Variants in UBXN2A observed in about 807,000 individuals in gnomAD.
UBXN2A encodes the protein UBX domain-containing protein 2A.
UBXN2A carries 28 observed loss-of-function variants against 28.4 expected under a neutral mutation model. The observed-to-expected ratio is 0.99, with a 90% CI of 0.73 to 1.35. The LOEUF is 1.35. Ranked by LOEUF, UBXN2A falls within the 40% of genes most tolerant of loss-of-function variation. The pLI is 0.00. For missense variants in UBXN2A, 253 were observed against 297.9 expected, an observed-to-expected ratio of 0.85 and a Z score of 1.11; for synonymous variants, 97 against 103.6, an observed-to-expected ratio of 0.94 and a Z score of 0.39.
chr2:23,993,316 T>C (rs1226837018), intron 6 of UBXN2A, among the ~76,000 whole-genome samples: 1 of 152,176 alleles, frequency 6.6e-6, no homozygotes, highest in Non-Finnish European at 1.5e-5. Context: ...AACACGTAGC[T>C]TTTTTTCCCC....
chr2:23,973,699 A>G (rs1707523153), intron 3 of UBXN2A, among the ~76,000 whole-genome samples: 1 of 149,364 alleles, frequency 6.7e-6, no homozygotes, highest in South Asian at 2.1e-4. Flanking sequence ...CAGTGGCACA[A>G]TTGGCTCACT....
intron 1 of UBXN2A, among the ~76,000 whole-genome samples, chr2:23,956,500 C>T (rs1482154792): frequency 5.3e-5 from 8 of 151,862 alleles, no homozygotes; most frequent in Admixed American, 4.6e-4. Context: ...TTACTTGCGC[C>T]GACCACCATG....
At chr2:23,955,075 G>A (rs1706553530) in intron 1 of UBXN2A, among the ~76,000 whole-genome samples, 1 of 151,876 alleles carries the variant, frequency 6.6e-6, no homozygotes, top group Admixed American at 6.6e-5. Context: ...TGGGATTACA[G>A]GCATGCACCG....
At chr2:23,938,963 A>C (rs182768939), upstream of UBXN2A, among the ~76,000 whole-genome samples, 2 of 152,340 alleles carry the variant, frequency 1.3e-5, no homozygotes, top group Non-Finnish European at 2.9e-5. Flanking sequence ...ACACGGTCTC[A>C]TGAGCAGTGA....
upstream of UBXN2A, among the ~76,000 whole-genome samples, chr2:23,936,286 C>T (rs1392892752): frequency 6.6e-6 from 1 of 152,038 alleles, no homozygotes; most frequent in African/African-American, 2.4e-5. Context: ...GAATGATATA[C>T]TGACACATGC....
At chr2:23,957,893 G>A (rs753524503) in intron 1 of UBXN2A, among the ~76,000 whole-genome samples, 1 of 152,116 alleles carries the variant, frequency 6.6e-6, no homozygotes, top group Non-Finnish European at 1.5e-5. Context: ...CTCCCAAAGT[G>A]CTGGGATTAC....
At chr2:23,952,712 G>A (rs1215153411) in intron 1 of UBXN2A, among the ~76,000 whole-genome samples, 3 of 152,108 alleles carry the variant, frequency 2.0e-5, no homozygotes, top group Admixed American at 2.0e-4. Flanking sequence ...CAAAGTGTTG[G>A]TATTACAGGT....
chr2:23,960,912 G>T (rs904022606), intron 2 of UBXN2A, among the ~76,000 whole-genome samples: 1 of 152,108 alleles, frequency 6.6e-6, no homozygotes, highest in Non-Finnish European at 1.5e-5. Flanking sequence ...TGGGATTACA[G>T]GTGTGAGCCA....
intron 2 of UBXN2A, among the ~76,000 whole-genome samples, chr2:23,961,152 G>A (rs1403279045): frequency 2.6e-5 from 4 of 151,564 alleles, no homozygotes; most frequent in African/African-American, 9.7e-5. Context: ...CTGGGGTGCA[G>A]TGGTACAATC....
At chr2:23,967,483 A>G (rs565623930) in intron 2 of UBXN2A, among the ~76,000 whole-genome samples, 2 of 152,332 alleles carry the variant, frequency 1.3e-5, no homozygotes, top group East Asian at 1.9e-4. Flanking sequence ...GATACTTACT[A>G]TATACCATGT....
chr2:23,967,648 C>T lies in UBXN2A; in HGVS notation c.42-3628C>T, dbSNP rs548002435. 3.9e-5 allele frequency among the ~76,000 whole-genome samples: 6 copies of T among 152,240 alleles called. No individual in the cohort carries two copies. The East Asian group carries it at 9.6e-4, about 24-fold the overall frequency. Reference sequence around the variant, plus strand: ...CTAAATGAAGGCACTTAAATACAAACAGCAACACCCAGACTTTTAGACAAT... The same window carrying T: ...CTAAATGAAGGCACTTAAATACAAATAGCAACACCCAGACTTTTAGACAAT... On this transcript the variant is annotated intron_variant, in intron 2 of 6. Transcript: ENST00000309033.
chr2:23,961,205 C>A (rs767840433), intron 2 of UBXN2A, among the ~76,000 whole-genome samples: 1 of 151,944 alleles, frequency 6.6e-6, no homozygotes, highest in Non-Finnish European at 1.5e-5. Context: ...AAGTAATTCT[C>A]CTGCCTCAGC....
At chr2:23,980,833 G>T (rs138986478) in intron 4 of UBXN2A, among the ~76,000 whole-genome samples, 84 of 152,060 alleles carry the variant, frequency 5.5e-4, no homozygotes, top group African/African-American at 1.9e-3. Flanking sequence ...TACCATGTTC[G>T]CCAGGCTGGT....
At chr2:23,984,355 G>T (rs943576699) in intron 5 of UBXN2A, among the ~76,000 whole-genome samples, 1 of 152,104 alleles carries the variant, frequency 6.6e-6, no homozygotes, top group Non-Finnish European at 1.5e-5. Context: ...AACCTGGGCA[G>T]TAGGTAAAGG....
intron 1 of UBXN2A, among the ~76,000 whole-genome samples, chr2:23,947,538 CTG>C (rs1251808868): frequency 6.6e-6 from 1 of 152,130 alleles, no homozygotes; most frequent in Non-Finnish European, 1.5e-5. Flanking sequence ...TGTCATATGA[CTG>C]TGATACATTT....
intron 1 of UBXN2A, among the ~76,000 whole-genome samples, chr2:23,941,087 C>T (rs1448022186): frequency 6.6e-6 from 1 of 152,140 alleles, no homozygotes; most frequent in Non-Finnish European, 1.5e-5. Context: ...TTTTGAAGGC[C>T]TGGTGTTCGC....
rs892302873 is a variant in UBXN2A, at chr2:23,990,555, C to G, written c.584+5724C>G. ...GCCGGGGGGGCGGGGGGGCGGATCA[C>G]TTGAGGTCGGAAGTTCAAGACCAAC... On this transcript the variant is annotated intron_variant, in intron 6 of 6. Transcript: ENST00000309033. Among the ~76,000 whole-genome samples, 10 of 151,630 alleles carry G rather than the reference C, an allele frequency of 6.6e-5. No individual in the cohort carries two copies. In the East Asian group the frequency reaches 2.0e-3, roughly 30 times the overall value.
intron 1 of UBXN2A, among the ~76,000 whole-genome samples, chr2:23,957,959 C>A (rs1474190621): frequency 6.6e-6 from 1 of 152,188 alleles, no homozygotes; most frequent in Non-Finnish European, 1.5e-5. Context: ...ACTATTTTAC[C>A]CAGACTGGTC....
intron 5 of UBXN2A, 32 bp downstream of exon 5, chr2:23,983,065 A>G (rs751123841): frequency 6.5e-7 from 1 of 1,534,878 alleles, no homozygotes; most frequent in East Asian, 2.3e-5. Context: ...TTTTGCATAG[A>G]TCAAGGCTTA....
Sources: gnomAD v4.1 joint callset for allele counts (sites outside exome capture counted in the v4.1 genomes callset) on GRCh38, gnomAD v4.1.1 for gene constraint, MANE v1.5 for transcripts, NCBI Gene and HGNC (gene_info 2026-07-23, HGNC 2026-07-21) for gene names.